SMAP2: variants seen among roughly 807,000 people sequenced by gnomAD.
SMAP2 encodes stromal membrane-associated protein 2.
A neutral mutation model predicts 56.4 loss-of-function variants in SMAP2; 25 were observed. The observed-to-expected ratio is 0.44, with a 90% confidence interval of 0.32 to 0.62. SMAP2 has a LOEUF of 0.62. SMAP2 is among the 20% of genes least tolerant of loss of function. The pLI is 0.04. For synonymous variants in SMAP2, 157 were observed against 181.7 expected (o/e 0.86, Z 1.09); for missense variants, 388 against 545.6 (o/e 0.71, Z 2.88).
At chr1:40,412,112 G>A (rs1644941899) in intron 4 of SMAP2, among the ~76,000 whole-genome samples, 2 of 152,080 alleles carry the variant, frequency 1.3e-5, no homozygotes, top group Non-Finnish European at 2.9e-5. Flanking sequence ...TGGCATAAAT[G>A]TTATTTAATT....
At chr1:40,383,840 T>C (rs1444367450) in intron 1 of SMAP2, among the ~76,000 whole-genome samples, 1 of 152,110 alleles carries the variant, frequency 6.6e-6, no homozygotes, top group Non-Finnish European at 1.5e-5. Context: ...ACAGAAGCCA[T>C]ACACAGAAAA....
At chr1:40,350,376 G>A (rs866368778) in intron 1 of SMAP2, among the ~76,000 whole-genome samples, 5 of 152,280 alleles carry the variant, frequency 3.3e-5, no homozygotes, top group Middle Eastern at 3.4e-3. Context: ...AAGCGTGCAC[G>A]AGGAAGAGTG....
At chr1:40,375,470 CA>C (rs1433487125) in intron 1 of SMAP2, among the ~76,000 whole-genome samples, 2 of 152,106 alleles carry the variant, frequency 1.3e-5, no homozygotes, top group Admixed American at 6.6e-5. Context: ...AAAAGGAGAA[CA>C]GGGGAGGGAT....
At chr1:40,403,051 G>T (rs1051563753) in intron 1 of SMAP2, among the ~76,000 whole-genome samples, 1 of 152,078 alleles carries the variant, frequency 6.6e-6, no homozygotes, top group Non-Finnish European at 1.5e-5. Flanking sequence ...TTTAAAAAGT[G>T]CATTTTCAAG....
rs1316926953 is a variant in SMAP2, at chr1:40,385,577, C to T, written c.103+11354C>T. Among the ~76,000 whole-genome samples, 2 of 152,150 alleles carry T rather than the reference C, an allele frequency of 1.3e-5. No individual in the cohort carries two copies. The highest frequency in any genetic ancestry group is 4.8e-5 in the African/African-American group (2 of 41,426). On this transcript the variant is annotated intron_variant, in intron 1 of 9. Coordinates refer to ENST00000372718, the MANE Select transcript of SMAP2 (RefSeq NM_022733.3). This position sits in a 1 kb window ranked among gnomAD's most constrained non-coding sequence, Gnocchi z 4.5. ...ATGTATTGAAACAGTGAAGCAAATG[C>T]GAGAGGGAGAGAGACCTACTCTCAG... is the stretch of plus-strand genomic sequence containing the variant.
Position 40,408,416 on chromosome 1 carries a change from A to G in SMAP2, c.238-237A>G, listed in dbSNP as rs1215708617. ...GAATTGAATGTATCTTGGTACACAA[A>G]TATTTCAGTAAAAGGAACCTATGGA... On this transcript the variant is annotated intron_variant, in intron 2 of 9. Transcript: ENST00000372718. This position sits in a 1 kb window ranked among gnomAD's most constrained non-coding sequence, Gnocchi z 4.3. 6.6e-6 allele frequency among the ~76,000 whole-genome samples: 1 copy of G among 152,232 alleles called. No individual in the cohort carries two copies. Among genetic ancestry groups the G allele is most frequent in the Admixed American group, 6.5e-5 (1 of 15,278 alleles).
intron 1 of SMAP2, among the ~76,000 whole-genome samples, chr1:40,383,918 A>G (rs1396120411): frequency 6.6e-6 from 1 of 151,650 alleles, no homozygotes; most frequent in Admixed American, 6.6e-5. Flanking sequence ...TTTTCTGGAG[A>G]CAGAGTCTTG....
chr1:40,366,263 G>A (rs893836527), intron 2 of SMAP2, among the ~76,000 whole-genome samples: 51 of 149,892 alleles, frequency 3.4e-4, no homozygotes, highest in African/African-American at 1.2e-3. Flanking sequence ...ATGGAACCAA[G>A]TTGGAAAACA....
chr1:40,415,627 A>G (rs915330816), intron 7 of SMAP2, among the ~76,000 whole-genome samples: 2 of 152,202 alleles, frequency 1.3e-5, no homozygotes, highest in African/African-American at 4.8e-5. Flanking sequence ...GATACTGTGA[A>G]GGCTGATACT....
At position 40,385,632 on chromosome 1, in the gene SMAP2, TG is replaced by T. The variant is rs1349756691; in HGVS notation, c.103+11410del. On this transcript the variant is annotated intron_variant, in intron 1 of 9. Transcript: ENST00000372718. This position sits in a 1 kb window ranked among gnomAD's most constrained non-coding sequence, Gnocchi z 4.5. The stretch of plus-strand genomic sequence containing the variant: ...AGCTGATAAGTGTGTCCTAGCATGG[TG>T]ATTTGAGCAAATAGAGCACCTTTTC... Among the ~76,000 whole-genome samples the T allele has an allele frequency of 3.9e-5, 6 of 152,220 alleles. No homozygotes were observed. Among genetic ancestry groups the T allele is most frequent in the Non-Finnish European group, 8.8e-5 (6 of 68,036 alleles).
At chr1:40,351,719 C>T (rs1644410015) in intron 1 of SMAP2, among the ~76,000 whole-genome samples, 1 of 152,108 alleles carries the variant, frequency 6.6e-6, no homozygotes, top group Non-Finnish European at 1.5e-5. Flanking sequence ...TCAGGCTCGT[C>T]TCGAACTCCT....
intron 1 of SMAP2, among the ~76,000 whole-genome samples, chr1:40,349,111 CT>C (rs1484629178): frequency 6.6e-6 from 1 of 152,152 alleles, no homozygotes; most frequent in African/African-American, 2.4e-5. Flanking sequence ...ATATTATCTT[CT>C]CTATTTTCCT....
intron 8 of SMAP2, 91 bp from the exon 9 acceptor site, chr1:40,416,689 A>G: frequency 7.6e-7 from 1 of 1,315,650 alleles, no homozygotes; most frequent in Non-Finnish European, 1.0e-6. Flanking sequence ...ATCCTGAGAA[A>G]TTCCAGCTGG....
intron 9 of SMAP2, among the ~76,000 whole-genome samples, chr1:40,421,570 G>C (rs929926475): frequency 1.3e-5 from 2 of 152,056 alleles, no homozygotes; most frequent in Non-Finnish European, 2.9e-5. Flanking sequence ...GACAGTAATA[G>C]CTGTGCTGAA....
Position 40,374,675 on chromosome 1 carries a change from G to A in SMAP2, c.103+452G>A. The A allele has an allele frequency of 1.3e-6, 2 of 1,550,152 alleles. No homozygotes were observed. Among genetic ancestry groups the A allele is most frequent in the Middle Eastern group, 1.7e-4 (1 of 5,992 alleles). The stretch of plus-strand genomic sequence containing the variant: ...GGAGGAGGAGGAGGGAAGTGAGATG[G>A]CGGAAAGGAAAACTGCTTAAATGAT... On this transcript the variant is annotated intron_variant, in intron 1 of 9. Transcript: ENST00000372718. The surrounding 1 kb of genome is among the most constrained non-coding windows in gnomAD (Gnocchi z 5.9).
At chr1:40,390,471 T>C (rs528408488) in intron 1 of SMAP2, among the ~76,000 whole-genome samples, 42 of 152,308 alleles carry the variant, frequency 2.8e-4, no homozygotes, top group Non-Finnish European at 4.6e-4. Context: ...CTGGAAACAA[T>C]TGAAAAACAT....
Position 40,414,161 on chromosome 1 carries a change from A to G in SMAP2, c.492A>G (p.Pro164=), listed in dbSNP as rs767984256. Residue 164 remains proline, a splice_region_variant and synonymous_variant, in exon 6 of 10, where the codon CCA becomes CCG. Transcript: ENST00000372718. ...GCTATAACATATTTTCACCTTAGCC[A>G]CAGAAAAAAGAAGACCCACAGCTAC... ...EPVVFEKVKM[P]QKKEDPQLPR... 1.9e-6 allele frequency: 3 copies of G among 1,614,100 alleles called. No homozygotes were observed. The highest frequency in any genetic ancestry group is 2.2e-5 in the South Asian group (2 of 91,076).
At position 40,416,336 on chromosome 1, in the gene SMAP2, C is replaced by T. The variant is rs749909137; in HGVS notation, c.842C>T (p.Thr281Ile). ...GGATCCCAGACGCCTCAAATGCCTA[C>T]TCAAGGTAGATTTCATGGGTGTCAT... Reference protein sequence around the residue: ...LYGSQTPQMPTQAMFMAPAQM... With the variant: ...LYGSQTPQMPIQAMFMAPAQM... The change falls in exon 8 of 10, where the codon ACT (threonine) becomes ATT (isoleucine). Residue 281 changes from threonine (T) to isoleucine (I), a missense_variant. Coordinates refer to ENST00000372718, the MANE Select transcript of SMAP2 (RefSeq NM_022733.3). 6.2e-7 allele frequency: 1 copy of T among 1,612,718 alleles called. No individual in the cohort carries two copies. The highest frequency in any genetic ancestry group is 8.5e-7 in the Non-Finnish European group (1 of 1,179,488).
At chr1:40,402,489 A>G (rs1644845237) in intron 1 of SMAP2, among the ~76,000 whole-genome samples, 2 of 151,860 alleles carry the variant, frequency 1.3e-5, no homozygotes, top group Admixed American at 6.6e-5. Flanking sequence ...TCTCGCTGTC[A>G]TCTAGGCTGG....
Sources: gnomAD v4.1 joint callset for allele counts (sites outside exome capture counted in the v4.1 genomes callset) on GRCh38, gnomAD v4.1.1 for gene constraint, Gnocchi (gnomAD v3.1) non-coding constraint, MANE v1.5 for transcripts, NCBI Gene and HGNC (gene_info 2026-07-23, HGNC 2026-07-21) for gene names.